The following PITPNM2 variants were observed in gnomAD, a reference collection of about 807,000 sequenced individuals.
PITPNM2 encodes phosphatidylinositol transfer protein membrane associated 2, also known as membrane-associated phosphatidylinositol transfer protein 2.
In PITPNM2, 35 loss-of-function variants were observed where a neutral mutation model predicts 132.2. That is an observed-to-expected ratio of 0.26 (90% confidence interval 0.20 to 0.35). The LOEUF (loss-of-function observed/expected upper bound fraction) is 0.35, where lower values mean the gene tolerates loss of function less well. Ranked by LOEUF, PITPNM2 falls within the 10% of genes least tolerant of loss-of-function variation. PITPNM2 has a pLI of 1.00. For synonymous variants in PITPNM2, 738 were observed against 799.2 expected, an observed-to-expected ratio of 0.92 and a Z score of 1.29; for missense variants, 1,332 against 1,912.0, an observed-to-expected ratio of 0.70 and a Z score of 5.66.
chr12:123,053,533 C>T (rs1380233764), intron 2 of PITPNM2, among the ~76,000 whole-genome samples: 1 of 147,490 alleles, frequency 6.8e-6, no homozygotes, highest in Non-Finnish European at 1.5e-5. Flanking sequence ...CCCTTGTATA[C>T]TTTGTCCAGT....
At position 123,077,715 on chromosome 12, in the gene PITPNM2, C is replaced by T. The variant is rs879853179; in HGVS notation, c.-96+32670G>A. On this transcript the variant is annotated intron_variant, in intron 2 of 25. Coordinates refer to ENST00000320201, the MANE Select transcript of PITPNM2 (RefSeq NM_020845.3). The surrounding 1 kb of genome is among the most constrained non-coding windows in gnomAD (Gnocchi z 4.8). ...CTCTTCGGAGAGAAAGCAAGCAGCCCGCGTGACCAGACAGAGCCTTCCTTG... is the reference window on the plus strand; with the variant it reads ...CTCTTCGGAGAGAAAGCAAGCAGCCTGCGTGACCAGACAGAGCCTTCCTTG... Among the ~76,000 whole-genome samples the T allele has an allele frequency of 2.6e-5, 4 of 152,176 alleles. No homozygotes were observed. The highest frequency in any genetic ancestry group is 4.4e-5 in the Non-Finnish European group (3 of 68,036).
intron 2 of PITPNM2, among the ~76,000 whole-genome samples, chr12:123,056,206 A>C (rs1283152059): frequency 6.6e-6 from 1 of 152,200 alleles, no homozygotes; most frequent in Admixed American, 6.5e-5. Flanking sequence ...AAGTGACTGC[A>C]GCGTCAGGCC....
chr12:123,042,699 G>C (rs537730740), intron 2 of PITPNM2, among the ~76,000 whole-genome samples: 1 of 152,298 alleles, frequency 6.6e-6, no homozygotes, highest in African/African-American at 2.4e-5. Flanking sequence ...CTCTAAGAGA[G>C]CTTCCTTCTG....
chr12:123,032,220 T>C (rs2040119061), intron 3 of PITPNM2, among the ~76,000 whole-genome samples: 1 of 152,272 alleles, frequency 6.6e-6, no homozygotes, highest in African/African-American at 2.4e-5. Context: ...GGCTCACGCC[T>C]GTAATCCCAG....
rs770204773 is a variant in PITPNM2, at chr12:123,095,755, C to T, written c.-96+14630G>A. 1.7e-4 allele frequency among the ~76,000 whole-genome samples: 26 copies of T among 152,198 alleles called. 1 individual carries two copies. Among genetic ancestry groups the T allele is most frequent in the African/African-American group, 1.4e-4 (6 of 41,444 alleles). On this transcript the variant is annotated intron_variant, in intron 2 of 25. Transcript: ENST00000320201. The surrounding 1 kb of genome is among the most constrained non-coding windows in gnomAD (Gnocchi z 5.0). ...TCCTGCCTCGGGGCCATTGTGAAGGCGGTTCCCTCTACCAGGAAGACTCTC... is the reference window on the plus strand; with the variant it reads ...TCCTGCCTCGGGGCCATTGTGAAGGTGGTTCCCTCTACCAGGAAGACTCTC...
In PITPNM2 at chr12:123,150,683, G is replaced by A. The variant is rs2043721753; in HGVS notation, c.-200+70C>T. ...TGGGAGCCGCCGCCCAGATCCCCAG[G>A]TCCCCGGCCAGCGCCCGGCACTGCG... On this transcript the variant is annotated intron_variant, in intron 1 of 25. Transcript: ENST00000320201. This position sits in a 1 kb window ranked among gnomAD's most constrained non-coding sequence, Gnocchi z 6.0. Among the ~76,000 whole-genome samples, 1 of 150,850 alleles carries A rather than the reference G, an allele frequency of 6.6e-6. No individual in the cohort carries two copies. The highest frequency in any genetic ancestry group is 2.1e-4 in the South Asian group (1 of 4,820).
In PITPNM2 at chr12:122,992,057, C is replaced by T. The variant is rs2038212839; in HGVS notation, c.2404+442G>A. 3.3e-5 allele frequency among the ~76,000 whole-genome samples: 5 copies of T among 151,990 alleles called. No individual in the cohort carries two copies. In the South Asian group the frequency reaches 1.0e-3, roughly 32 times the overall value. On this transcript the variant is annotated intron_variant, in intron 16 of 25. Transcript: ENST00000320201. This position sits in a 1 kb window ranked among gnomAD's most constrained non-coding sequence, Gnocchi z 6.5. ...AGGGGTCGGGCCAAGCCTACCTGGA[C>T]CTCCCCTGCCCCAACGCATCTCCTG... is the stretch of plus-strand genomic sequence containing the variant.
At chr12:123,032,227 C>G (rs1388134129) in intron 3 of PITPNM2, among the ~76,000 whole-genome samples, 2 of 152,220 alleles carry the variant, frequency 1.3e-5, no homozygotes, top group African/African-American at 4.8e-5. Context: ...GCCTGTAATC[C>G]CAGCACTTTG....
rs550408278 is a variant in PITPNM2 at position 123,123,025 on chromosome 12, T to C, written c.-199-12537A>G. On this transcript the variant is annotated intron_variant, in intron 1 of 25. Coordinates refer to ENST00000320201, the MANE Select transcript of PITPNM2 (RefSeq NM_020845.3). ...CTCCTTGACCCAGCAATTCTACTTC[T>C]GGAAATTTATTCTACAGACATGAGA... Among the ~76,000 whole-genome samples the C allele has an allele frequency of 3.3e-4, 50 of 152,354 alleles. No individual in the cohort carries two copies. The South Asian group carries it at 9.9e-3, about 30-fold the overall frequency.
In PITPNM2 at chr12:122,990,619, C is replaced by T. The variant is rs773954380; in HGVS notation, c.2495G>A (p.Arg832Gln). The change falls in exon 17 of 26, where the codon CGA becomes CAA. Residue 832 changes from arginine (R) to glutamine (Q), a missense_variant. Arg to Gln is a conservative substitution (Grantham distance 43). Transcript: ENST00000320201. Reference sequence around the variant, plus strand: ...GCTGGCGATGCTGATCTCACTGGCTCGGCGGAAGCCACGACTGGCAGGGGC... The same window carrying T: ...GCTGGCGATGCTGATCTCACTGGCTTGGCGGAAGCCACGACTGGCAGGGGC... ...GTAPASRGFR[R>Q]ASEISIASQV... is the part of the protein sequence containing the mutation. The T allele has an allele frequency of 1.9e-6, 3 of 1,611,628 alleles. No individual in the cohort carries two copies. The highest frequency in any genetic ancestry group is 1.1e-5 in the South Asian group (1 of 91,082).
intron 3 of PITPNM2, among the ~76,000 whole-genome samples, chr12:123,029,768 G>A (rs765336876): frequency 6.6e-6 from 1 of 151,836 alleles, no homozygotes; most frequent in Non-Finnish European, 1.5e-5. Flanking sequence ...GTACATACCT[G>A]TATGCATAGG....
intron 1 of PITPNM2, among the ~76,000 whole-genome samples, chr12:123,132,083 A>G (rs1177811219): frequency 6.6e-6 from 1 of 152,242 alleles, no homozygotes; most frequent in Non-Finnish European, 1.5e-5. Flanking sequence ...TCTCGACAGA[A>G]CTGTCTCCCA....
chr12:122,994,662 G>T lies in PITPNM2; in HGVS notation c.2233+139C>A. On this transcript the variant is annotated intron_variant, in intron 15 of 25. Coordinates refer to ENST00000320201, the MANE Select transcript of PITPNM2 (RefSeq NM_020845.3). The surrounding 1 kb of genome is among the most constrained non-coding windows in gnomAD (Gnocchi z 5.4). ...GAAGCAGGAGCAGAGGATAGCAAGG[G>T]GCCCTTGGTGGGGAAGACAGGAAGG... is the stretch of plus-strand genomic sequence containing the variant. 1 of 962,412 alleles carries T rather than the reference G, an allele frequency of 1.0e-6. No homozygotes were observed. The highest frequency in any genetic ancestry group is 1.8e-5 in the South Asian group (1 of 55,584). The allele number at this position is 962,412 out of a possible 1,614,324, so 59.6% of individuals were successfully genotyped here. A position where few individuals can be genotyped will look rare whatever the true frequency, so the allele number is the denominator to read the frequency against.
Position 123,004,579 on chromosome 12 carries a change from A to G in PITPNM2, c.953-90T>C. 8.7e-7 allele frequency: 1 copy of G among 1,149,150 alleles called. No homozygotes were observed. The highest frequency in any genetic ancestry group is 1.3e-5 in the South Asian group (1 of 79,648). The allele number at this position is 1,149,150 out of a possible 1,614,324, so 71.2% of individuals were successfully genotyped here. On this transcript the variant is annotated intron_variant, in intron 7 of 25. Coordinates refer to ENST00000320201, the MANE Select transcript of PITPNM2 (RefSeq NM_020845.3). The surrounding 1 kb of genome is among the most constrained non-coding windows in gnomAD (Gnocchi z 4.9). ...CGGCAGGAGGCAGGGAGGGCCACCC[A>G]CAGGCCTGACAGGCATCACAGAGGC...
intron 2 of PITPNM2, among the ~76,000 whole-genome samples, chr12:123,043,586 C>T (rs2040562119): frequency 6.6e-6 from 1 of 152,244 alleles, no homozygotes; most frequent in Non-Finnish European, 1.5e-5. Flanking sequence ...CAAGCCACTG[C>T]AGGAGTTGGT....
At position 123,013,901 on chromosome 12, in the gene PITPNM2, G is replaced by A. The variant is rs777667642; in HGVS notation, c.220C>T (p.Arg74Cys). ...HVGMHIPSWF[R>C]SILPKAALRV... Reference sequence around the variant, plus strand: ...AGGGCTGCCTTGGGCAGGATGGAGCGGAACCAGCTGGGAATGTGCATGCCC... The same window carrying A: ...AGGGCTGCCTTGGGCAGGATGGAGCAGAACCAGCTGGGAATGTGCATGCCC... Residue 74 changes from arginine (R) to cysteine (C), a missense_variant, in exon 4 of 26, where the codon CGC becomes TGC. Physicochemically the swap from Arg to Cys is radical, Grantham distance 180. This residue lies in a region of PITPNM2 where 83 missense variants were observed against 118.7 expected (regional missense o/e 0.70). Coordinates refer to ENST00000320201, the MANE Select transcript of PITPNM2 (RefSeq NM_020845.3). 8.7e-6 allele frequency: 14 copies of A among 1,614,154 alleles called. No individual in the cohort carries two copies. The highest frequency in any genetic ancestry group is 6.7e-5 in the African/African-American group (5 of 74,948).
intron 4 of PITPNM2, among the ~76,000 whole-genome samples, chr12:123,013,016 C>G (rs2039274488): frequency 6.6e-6 from 1 of 152,252 alleles, no homozygotes; most frequent in South Asian, 2.1e-4. Flanking sequence ...ATGGCAGGAA[C>G]ACGGGCACAG....
chr12:122,997,228 G>A (rs2038469392), intron 11 of PITPNM2, 97 bp downstream of exon 11: 2 of 1,551,128 alleles, frequency 1.3e-6, no homozygotes, highest in African/African-American at 2.7e-5. Flanking sequence ...TGGACATCGG[G>A]GCAGGAGTCC....
chr12:123,092,121 G>A (rs758678318), intron 2 of PITPNM2: 4 of 152,186 alleles, frequency 2.6e-5, no homozygotes, highest in Non-Finnish European at 5.9e-5. Flanking sequence ...CACTGGAGTG[G>A]GTACGACAGG....
Sources: allele counts gnomAD v4.1 joint callset (sites outside exome capture counted in the v4.1 genomes callset), GRCh38; gene constraint gnomAD v4.1.1; regional missense constraint gnomAD v4.1.1; non-coding constraint Gnocchi (gnomAD v3.1); transcripts MANE v1.5; gene names NCBI Gene and HGNC (gene_info 2026-07-23, HGNC 2026-07-21).